Variants in KREMEN1 observed in about 807,000 individuals in gnomAD.
KREMEN1 encodes kringle containing transmembrane protein 1, also known as kremen protein 1.
A neutral mutation model predicts 46.5 loss-of-function variants in KREMEN1; 30 were observed. That is an observed-to-expected ratio of 0.65 (90% CI 0.48 to 0.88). KREMEN1 has a LOEUF of 0.88. Ranked by LOEUF, KREMEN1 falls within the 40% of genes least tolerant of loss-of-function variation. The probability of loss-of-function intolerance (pLI) is 0.00; values close to 1 mark genes in which losing one functional copy is unlikely to be tolerated. For synonymous variants in KREMEN1, 214 were observed against 230.6 expected (o/e 0.93, Z 0.65); for missense variants, 533 against 596.9 (o/e 0.89, Z 1.11).
chr22:29,092,158 C>T (rs955820332), intron 1 of KREMEN1, among the ~76,000 whole-genome samples: 1 of 152,158 alleles, frequency 6.6e-6, no homozygotes, highest in Non-Finnish European at 1.5e-5. Context: ...GGGGACTATA[C>T]TGGTGGCATC....
chr22:29,091,043 G>A (rs993368170), intron 1 of KREMEN1, among the ~76,000 whole-genome samples: 2 of 152,150 alleles, frequency 1.3e-5, no homozygotes, highest in Non-Finnish European at 2.9e-5. Context: ...GCACGATCTC[G>A]GCTCACCACA....
intron 9 of KREMEN1, among the ~76,000 whole-genome samples, chr22:29,164,364 G>C (rs189807741): frequency 6.6e-6 from 1 of 152,210 alleles, no homozygotes; most frequent in Non-Finnish European, 1.5e-5. Context: ...TGATTCCAGA[G>C]AAGAAGGTTG....
chr22:29,167,066 C>T lies in KREMEN1; in HGVS notation c.1439C>T (p.Thr480Ile), dbSNP rs1159506690. 2 of 1,551,568 alleles carry T rather than the reference C, an allele frequency of 1.3e-6. No individual in the cohort carries two copies. Among genetic ancestry groups the T allele is most frequent in the Non-Finnish European group, 1.7e-6 (2 of 1,146,950 alleles). The stretch of plus-strand genomic sequence containing the variant: ...CAGGCAATTCAGGACTCGGAAGTGA[C>T]ATCACTCATCTGGTCTCAGGGGCAG... The change falls in exon 10 of 10, where the codon ACA (threonine) becomes ATA (isoleucine). Residue 480 changes from threonine to isoleucine, a missense_variant. Thr to Ile is a moderately conservative substitution (Grantham distance 89). Transcript: ENST00000327813.
intron 3 of KREMEN1, among the ~76,000 whole-genome samples, chr22:29,104,386 G>A (rs967030363): frequency 6.6e-6 from 1 of 151,872 alleles, no homozygotes; most frequent in African/African-American, 2.4e-5. Flanking sequence ...CATACTCCTG[G>A]GCTCAGCAAT....
In KREMEN1 at chr22:29,145,647, T is replaced by C. The variant is rs1014698536; in HGVS notation, c.*3535T>C. 2 of 985,360 alleles carry C rather than the reference T, an allele frequency of 2.0e-6. No individual in the cohort carries two copies. The highest frequency in any genetic ancestry group is 2.4e-6 in the Non-Finnish European group (2 of 829,986). 61.0% of individuals were successfully genotyped at this position (985,360 alleles called of 1,614,324 possible). On this transcript the variant is annotated 3_prime_UTR_variant, in exon 9 of 9. Coordinates refer to ENST00000400335, the MANE Select transcript of KREMEN1 (RefSeq NM_001039570.3). ...CACACGGTGCCCTGTTCTTCCCCGT[T>C]TGTCCAGTTGCTTGCAAAGCAGAGA...
chr22:29,093,967 G>C (rs937728105), intron 1 of KREMEN1, among the ~76,000 whole-genome samples: 2 of 152,298 alleles, frequency 1.3e-5, no homozygotes, highest in Middle Eastern at 3.4e-3. Flanking sequence ...CACTTCATGG[G>C]CTTCAGTACA....
chr22:29,091,974 A>G (rs1262129303), intron 1 of KREMEN1, among the ~76,000 whole-genome samples: 1 of 152,154 alleles, frequency 6.6e-6, no homozygotes, highest in Non-Finnish European at 1.5e-5. Flanking sequence ...GTAAGGGAAG[A>G]GCTCTGCTTC....
At chr22:29,120,646 CAG>C (rs1491523879) in intron 3 of KREMEN1, among the ~76,000 whole-genome samples, 6 of 152,234 alleles carry the variant, frequency 3.9e-5, no homozygotes, top group East Asian at 3.9e-4. Flanking sequence ...CTGACGGAAA[CAG>C]AGGGTGAAAT....
chr22:29,086,976 T>C (rs2037739766), intron 1 of KREMEN1, among the ~76,000 whole-genome samples: 1 of 152,138 alleles, frequency 6.6e-6, no homozygotes, highest in Non-Finnish European at 1.5e-5. Flanking sequence ...TTGCCCAGGC[T>C]GGTCTTGAAC....
At chr22:29,122,086 C>A (rs537670374) in intron 4 of KREMEN1, among the ~76,000 whole-genome samples, 85 of 152,120 alleles carry the variant, frequency 5.6e-4, no homozygotes, top group Admixed American at 3.5e-3. Context: ...GACTTGTATA[C>A]AGAATATATA....
At position 29,145,475 on chromosome 22, in the gene KREMEN1, G is replaced by A; in HGVS notation, c.*3363G>A. ...CTGTTCCCCGCTGGCGCCAGGCCCTGCCTTCTTGGTACCTGTGCCAACAGG... is the reference window on the plus strand; with the variant it reads ...CTGTTCCCCGCTGGCGCCAGGCCCTACCTTCTTGGTACCTGTGCCAACAGG... On this transcript the variant is annotated 3_prime_UTR_variant, in exon 9 of 9. Coordinates refer to ENST00000400335, the MANE Select transcript of KREMEN1 (RefSeq NM_001039570.3). 1.0e-6 allele frequency: 1 copy of A among 985,600 alleles called. No homozygotes were observed. The highest frequency in any genetic ancestry group is 4.7e-5 in the South Asian group (1 of 21,284). 61.1% of individuals were successfully genotyped at this position (985,600 alleles called of 1,614,324 possible). A position where few individuals can be genotyped will look rare whatever the true frequency, so the allele number is the denominator to read the frequency against.
intron 1 of KREMEN1, among the ~76,000 whole-genome samples, chr22:29,084,182 G>A (rs966191247): frequency 6.6e-6 from 1 of 152,122 alleles, no homozygotes; most frequent in African/African-American, 2.4e-5. Context: ...GAGCTGTGAG[G>A]ATGACCAGAG....
intron 2 of KREMEN1, among the ~76,000 whole-genome samples, chr22:29,094,626 C>CTTTT (rs134659): frequency 1.2e-4 from 13 of 112,968 alleles, no homozygotes; most frequent in African/African-American, 2.0e-4. Flanking sequence ...ATTTACCACT[C>CTTTT]TTTTTTTTTT....
At chr22:29,131,548 ATATATATATATATG>A (rs2038536810) in intron 5 of KREMEN1, among the ~76,000 whole-genome samples, 1 of 58,806 alleles carries the variant, frequency 1.7e-5, no homozygotes, top group African/African-American at 7.5e-5. Flanking sequence ...ATATATATAT[ATATATATATATATG>A]TGTGTGTGTG....
rs758561804 is a variant in KREMEN1, at chr22:29,137,658, T to C, written c.948T>C (p.Phe316=). The change falls in exon 6 of 9, where the codon TTT becomes TTC. Residue 316 remains phenylalanine, a synonymous_variant. Coordinates refer to ENST00000400335, the MANE Select transcript of KREMEN1 (RefSeq NM_001039570.3). ...FSDRINQAQG[F]AVLYQAVKEE... is the part of the protein sequence containing the mutation. ...ATCGCATCAATCAGGCCCAGGGATT[T>C]GCTGTTTTATACCAAGGTAAGACAT... 9 of 1,594,482 alleles carry C rather than the reference T, an allele frequency of 5.6e-6. No individual in the cohort carries two copies. Among genetic ancestry groups the C allele is most frequent in the Non-Finnish European group, 7.7e-6 (9 of 1,163,746 alleles).
chr22:29,150,101 A>T (rs1443153552), downstream of KREMEN1, among the ~76,000 whole-genome samples: 1 of 152,250 alleles, frequency 6.6e-6, no homozygotes, highest in Non-Finnish European at 1.5e-5. Flanking sequence ...TTAGAGATAG[A>T]ATACTTCAAC....
At chr22:29,089,400 T>C (rs2037775685) in intron 1 of KREMEN1, among the ~76,000 whole-genome samples, 1 of 152,126 alleles carries the variant, frequency 6.6e-6, no homozygotes, top group Non-Finnish European at 1.5e-5. Flanking sequence ...GCAAATACTT[T>C]TGCCACTACC....
chr22:29,079,829 C>T (rs1476351285), intron 1 of KREMEN1, among the ~76,000 whole-genome samples: 1 of 152,170 alleles, frequency 6.6e-6, no homozygotes, highest in Non-Finnish European at 1.5e-5. Context: ...ACATGGCAAC[C>T]AAGTAGTTCT....
chr22:29,145,263 A>T lies in KREMEN1; in HGVS notation c.*3151A>T, dbSNP rs1399797167. On this transcript the variant is annotated 3_prime_UTR_variant, in exon 9 of 9. Coordinates refer to ENST00000400335, the MANE Select transcript of KREMEN1 (RefSeq NM_001039570.3). Reference sequence around the variant, plus strand: ...TTAGATGAGATAAAGTGGGGGTTGGAGGTGGCGAAAAGAGGGTAACCCTGG... The same window carrying T: ...TTAGATGAGATAAAGTGGGGGTTGGTGGTGGCGAAAAGAGGGTAACCCTGG... 1 of 985,454 alleles carries T rather than the reference A, an allele frequency of 1.0e-6. No homozygotes were observed. Among genetic ancestry groups the T allele is most frequent in the African/African-American group, 1.7e-5 (1 of 57,222 alleles). 61.0% of individuals were successfully genotyped at this position (985,454 alleles called of 1,614,324 possible). A position where few individuals can be genotyped will look rare whatever the true frequency, so the allele number is the denominator to read the frequency against.
Sources: gnomAD v4.1 joint callset for allele counts (sites outside exome capture counted in the v4.1 genomes callset) on GRCh38, gnomAD v4.1.1 for gene constraint, MANE v1.5 for transcripts, NCBI Gene and HGNC (gene_info 2026-07-23, HGNC 2026-07-21) for gene names.